HERC1: variants seen among roughly 807,000 people sequenced by gnomAD.
The protein encoded by HERC1 is HECT and RLD domain containing E3 ubiquitin protein ligase family member 1.
HERC1 carries 160 observed loss-of-function variants against 554.3 expected under a neutral mutation model. The observed-to-expected ratio is 0.29, with a 90% confidence interval of 0.25 to 0.33. HERC1 has a LOEUF of 0.33. Among genes scored for constraint, HERC1 ranks in the 10% least tolerant of loss-of-function variants. The probability of loss-of-function intolerance (pLI) is 1.00; values close to 1 mark genes in which losing one functional copy is unlikely to be tolerated. For synonymous variants in HERC1, 2,175 were observed against 2,131.7 expected (o/e 1.02, Z -0.56); for missense variants, 4,919 against 5,918.5 (o/e 0.83, Z 5.54).
At chr15:63,636,229 A>C in intron 64 of HERC1, 87 bp from the exon 65 acceptor site, 1 of 1,149,822 alleles carries the variant, frequency 8.7e-7, no homozygotes, top group Non-Finnish European at 1.2e-6. Flanking sequence ...CCCTCAATCA[A>C]AAACCACCGA....
At chr15:63,678,408 GTTC>G (rs761218717) in intron 36 of HERC1, 43 bp from the exon 37 acceptor site, 130 of 1,499,730 alleles carry the variant, frequency 8.7e-5, no homozygotes, top group Non-Finnish European at 9.0e-5. Flanking sequence ...GCTATTAGTA[GTTC>G]TTCTTAGTCA....
At chr15:63,728,706 A>G (rs890963014) in intron 16 of HERC1, among the ~76,000 whole-genome samples, 1 of 152,180 alleles carries the variant, frequency 6.6e-6, no homozygotes, top group Admixed American at 6.5e-5. Context: ...CACTGAGACT[A>G]GATAAGACCA....
chr15:63,623,952 G>C, intron 72 of HERC1, 62 bp from the exon 73 acceptor site: 5 of 1,544,528 alleles, frequency 3.2e-6, no homozygotes, highest in Non-Finnish European at 4.4e-6. Flanking sequence ...AAAATCACAT[G>C]ATATCTTCCC....
At chr15:63,797,410 T>A (rs2076844653) in intron 1 of HERC1, among the ~76,000 whole-genome samples, 1 of 152,198 alleles carries the variant, frequency 6.6e-6, no homozygotes, top group Admixed American at 6.5e-5. Flanking sequence ...AATCTAAGAT[T>A]GGTTTTTTTG....
intron 1 of HERC1, among the ~76,000 whole-genome samples, chr15:63,810,695 G>A (rs1365216469): frequency 6.6e-6 from 1 of 152,118 alleles, no homozygotes; most frequent in Admixed American, 6.5e-5. Context: ...GGAAAGCGTT[G>A]TAGGAGAGAC....
At position 63,803,580 on chromosome 15, in the gene HERC1, G is replaced by A. The variant is rs184413330; in HGVS notation, c.-26-27931C>T. ...TAGGATTATAGGCGTGAGCCAACAC[G>A]CCCAGCCCCATACTAACTTTTTAGA... On this transcript the variant is annotated intron_variant, in intron 1 of 77. Coordinates refer to ENST00000443617, the MANE Select transcript of HERC1 (RefSeq NM_003922.4). Among the ~76,000 whole-genome samples the A allele has an allele frequency of 3.2e-3, 487 of 152,220 alleles. 5 individuals carry two copies. The highest frequency in any genetic ancestry group is 2.8e-3 in the Non-Finnish European group (193 of 68,016).
At chr15:63,732,878 C>T (rs181379844) in intron 14 of HERC1, 46 bp downstream of exon 14, 155 of 1,224,594 alleles carry the variant, frequency 1.3e-4, no homozygotes, top group Middle Eastern at 1.9e-4. Flanking sequence ...CTAAAGAGAT[C>T]CCTACCCCTT....
intron 1 of HERC1, among the ~76,000 whole-genome samples, chr15:63,831,780 C>T (rs986459929): frequency 3.3e-5 from 5 of 152,082 alleles, no homozygotes; most frequent in Non-Finnish European, 7.4e-5. Flanking sequence ...ATCACCAACA[C>T]ATTCTCCAAA....
chr15:63,808,185 T>C (rs1394382844), intron 1 of HERC1, among the ~76,000 whole-genome samples: 1 of 151,994 alleles, frequency 6.6e-6, no homozygotes. Context: ...CAAGCAGCTA[T>C]AAGCAAATTT....
intron 34 of HERC1, among the ~76,000 whole-genome samples, chr15:63,682,578 T>G (rs866394164): frequency 6.6e-6 from 1 of 152,092 alleles, no homozygotes; most frequent in Non-Finnish European, 1.5e-5. Flanking sequence ...TGAGACTACC[T>G]TGGGCAAGAA....
chr15:63,744,814 G>C (rs1009419060), intron 12 of HERC1, among the ~76,000 whole-genome samples: 10 of 152,150 alleles, frequency 6.6e-5, no homozygotes, highest in African/African-American at 2.4e-4. Flanking sequence ...CCTGGAATCA[G>C]GGATCCCAAG....
In HERC1 at chr15:63,727,917, T is replaced by C. The variant is rs561933938; in HGVS notation, c.3155-79A>G. 48 of 1,195,232 alleles carry C rather than the reference T, an allele frequency of 4.0e-5. No homozygotes were observed. The South Asian group carries it at 6.6e-4, about 16-fold the overall frequency. 74.0% of individuals were successfully genotyped at this position (1,195,232 alleles called of 1,614,324 possible). On this transcript the variant is annotated intron_variant, in intron 16 of 77. Coordinates refer to ENST00000443617, the MANE Select transcript of HERC1 (RefSeq NM_003922.4). The surrounding 1 kb of genome is among the most constrained non-coding windows in gnomAD (Gnocchi z 4.3). ...AAAAGGAACCTAATAAATATTATTT[T>C]AGCTTGGAACTAGAGTAGACTCATT... is the stretch of plus-strand genomic sequence containing the variant.
Position 63,713,542 on chromosome 15 carries a change from C to T in HERC1, c.4274G>A (p.Arg1425Gln), listed in dbSNP as rs773641486. The T allele has an allele frequency of 2.3e-5, 37 of 1,613,880 alleles. No individual in the cohort carries two copies. Among genetic ancestry groups the T allele is most frequent in the East Asian group, 1.3e-4 (6 of 44,902 alleles). The change falls in exon 23 of 78, where the codon CGA becomes CAA. Residue 1425 changes from arginine (R) to glutamine (Q), a missense_variant. This residue lies in a region of HERC1 where 1,121 missense variants were observed against 1,244.0 expected (regional missense o/e 0.90). Coordinates refer to ENST00000443617, the MANE Select transcript of HERC1 (RefSeq NM_003922.4). ...DDPPPQSQQE[R>Q]RVSTDLPEGQ... The stretch of plus-strand genomic sequence containing the variant: ...CTCAGGAAGGTCTGTGCTGACCCTT[C>T]GCTCTTGCTGAGACTGAGGAGGTGG...
chr15:63,773,300 C>T (rs575452440), intron 2 of HERC1, among the ~76,000 whole-genome samples: 14 of 151,604 alleles, frequency 9.2e-5, no homozygotes, highest in African/African-American at 2.2e-4. Flanking sequence ...AAAAATTAGC[C>T]GGGCATGCTA....
At chr15:63,644,486 T>G (rs932711313) in intron 57 of HERC1, among the ~76,000 whole-genome samples, 1 of 152,262 alleles carries the variant, frequency 6.6e-6, no homozygotes, top group African/African-American at 2.4e-5. Context: ...ATATAAAGCA[T>G]GTAAGCTTCT....
At chr15:63,687,431 A>G (rs1328672622) in intron 33 of HERC1, among the ~76,000 whole-genome samples, 1 of 152,064 alleles carries the variant, frequency 6.6e-6, no homozygotes, top group African/African-American at 2.4e-5. Context: ...CCAGCTACTT[A>G]GGAAGCTGAG....
intron 3 of HERC1, 68 bp downstream of exon 3, chr15:63,764,028 A>G: frequency 9.8e-7 from 1 of 1,020,650 alleles, no homozygotes; most frequent in Non-Finnish European, 1.5e-6. Context: ...ATTATTTTTA[A>G]GGGATAAATA....
intron 66 of HERC1, 79 bp downstream of exon 66, chr15:63,634,654 T>C: frequency 8.3e-7 from 1 of 1,200,210 alleles, no homozygotes. Context: ...GATCCTGATC[T>C]TCCTGAGGGT....
In HERC1 at chr15:63,624,477, G is replaced by A. The variant is rs948765344; in HGVS notation, c.13276-150C>T. On this transcript the variant is annotated intron_variant, in intron 71 of 77. Coordinates refer to ENST00000443617, the MANE Select transcript of HERC1 (RefSeq NM_003922.4). ...TTTGGGAGGCTGTGGTGGGCGGATC[G>A]CTTGAGCCCAGGAGTTCAAGACTAG... 11 of 642,018 alleles carry A rather than the reference G, an allele frequency of 1.7e-5. 1 individual carries two copies. The highest frequency in any genetic ancestry group is 3.5e-4 in the Middle Eastern group (1 of 2,854). 39.8% of individuals were successfully genotyped at this position (642,018 alleles called of 1,614,324 possible).
Sources: allele counts gnomAD v4.1 joint callset (sites outside exome capture counted in the v4.1 genomes callset), GRCh38; gene constraint gnomAD v4.1.1; regional missense constraint gnomAD v4.1.1; non-coding constraint Gnocchi (gnomAD v3.1); transcripts MANE v1.5; gene names NCBI Gene and HGNC (gene_info 2026-07-23, HGNC 2026-07-21).